The following APAF1 variants were observed in gnomAD, a reference collection of about 807,000 sequenced individuals.
APAF1 encodes apoptotic peptidase activating factor 1.
Under a neutral mutation model 152.4 loss-of-function variants are expected in APAF1, and 91 were observed. The ratio of observed to expected loss-of-function variants is 0.60; its 90% confidence interval spans 0.50 to 0.71. The LOEUF (loss-of-function observed/expected upper bound fraction) is 0.71. Among genes scored for constraint, APAF1 ranks in the 30% least tolerant of loss-of-function variants. APAF1 has a pLI of 0.00. For synonymous variants in APAF1, 484 were observed against 494.1 expected (o/e 0.98, Z 0.27); for missense variants, 1,283 against 1,472.0 (o/e 0.87, Z 2.10).
intron 16 of APAF1, among the ~76,000 whole-genome samples, chr12:98,687,817 T>G (rs1017792463): frequency 7.2e-5 from 11 of 152,088 alleles, no homozygotes; most frequent in African/African-American, 2.4e-4. Flanking sequence ...GGCTTTTGTT[T>G]TTGTTTTTGT....
rs1056776774 is a variant in APAF1, at chr12:98,723,089, A to G, written c.3085-104A>G. ...TTCCTCTCTGTTTTACTGAAATGCC[A>G]TGTGAGTAAAAGACTTTAGACAAGA... is the stretch of plus-strand genomic sequence containing the variant. On this transcript the variant is annotated intron_variant, in intron 22 of 26. Coordinates refer to ENST00000551964, the MANE Select transcript of APAF1 (RefSeq NM_181861.2). 13 of 1,190,630 alleles carry G rather than the reference A, an allele frequency of 1.1e-5. 1 individual carries two copies. Among genetic ancestry groups the G allele is most frequent in the East Asian group, 7.2e-5 (3 of 41,392 alleles). The allele number at this position is 1,190,630 out of a possible 1,614,324, so 73.8% of individuals were successfully genotyped here. A position where few individuals can be genotyped will look rare whatever the true frequency, so the allele number is the denominator to read the frequency against.
chr12:98,690,609 C>A (rs2288726), intron 16 of APAF1, among the ~76,000 whole-genome samples: 22,430 of 152,112 alleles, frequency 0.15, 2,146 homozygotes, highest in Non-Finnish European at 0.22. Context: ...GCCAAATGTT[C>A]AAGAAAGCTG....
At chr12:98,652,828 G>C (rs2097650628) in intron 4 of APAF1, among the ~76,000 whole-genome samples, 1 of 152,016 alleles carries the variant, frequency 6.6e-6, no homozygotes, top group Non-Finnish European at 1.5e-5. Context: ...GTTTCTCCAT[G>C]TTGGTCAGGC....
rs1301871491 is a variant in APAF1, at chr12:98,655,469, C to A, written c.527-3691C>A. 1.1e-4 allele frequency among the ~76,000 whole-genome samples: 17 copies of A among 149,702 alleles called. No individual in the cohort carries two copies. The South Asian group carries it at 1.3e-3, about 11-fold the overall frequency. ...CGGCCGGGCAGGGGGCTGACCCCCC[C>A]ACCTCCCTCCCGGACGGGGCGGCTG... On this transcript the variant is annotated intron_variant, in intron 4 of 26. Coordinates refer to ENST00000551964, the MANE Select transcript of APAF1 (RefSeq NM_181861.2).
Position 98,648,700 on chromosome 12 carries a change from C to T in APAF1, c.213C>T (p.Phe71=), listed in dbSNP as rs1313354493. 1.2e-6 allele frequency: 2 copies of T among 1,613,264 alleles called. No homozygotes were observed. Residue 71 remains phenylalanine, a synonymous_variant, in exon 3 of 27, where the codon TTC becomes TTT. Coordinates refer to ENST00000551964, the MANE Select transcript of APAF1 (RefSeq NM_181861.2). ...AAGATAATGATTCCTACGTATCATT[C>T]TACAATGCTCTACTACATGAAGGAT... is the stretch of plus-strand genomic sequence containing the variant. ...LKKDNDSYVS[F]YNALLHEGYK... is the part of the protein sequence containing the mutation.
At chr12:98,659,491 C>T in intron 5 of APAF1, 148 bp downstream of exon 5, 1 of 883,092 alleles carries the variant, frequency 1.1e-6, no homozygotes. Flanking sequence ...GTGGCTCACG[C>T]CTGTAATCCC....
chr12:98,727,669 G>A (rs1448609542), intron 26 of APAF1, among the ~76,000 whole-genome samples: 2 of 152,044 alleles, frequency 1.3e-5, no homozygotes, highest in African/African-American at 2.4e-5. Context: ...AGCCAGGCAC[G>A]GTGGCTCACG....
intron 12 of APAF1, among the ~76,000 whole-genome samples, chr12:98,676,502 C>T (rs929740126): frequency 3.3e-5 from 5 of 152,070 alleles, no homozygotes; most frequent in Non-Finnish European, 7.3e-5. Context: ...AACCACCATG[C>T]CTGGCCCCTT....
intron 13 of APAF1, among the ~76,000 whole-genome samples, 166 bp from the exon 14 acceptor site, chr12:98,680,111 A>G (rs186514675): frequency 1.3e-5 from 2 of 152,388 alleles, no homozygotes; most frequent in East Asian, 3.9e-4. Flanking sequence ...AGTTATGTGA[A>G]GGCATACACA....
intron 4 of APAF1, among the ~76,000 whole-genome samples, chr12:98,652,961 A>G (rs545126070): frequency 1.3e-5 from 2 of 152,028 alleles, no homozygotes; most frequent in East Asian, 1.9e-4. Flanking sequence ...TTAATTTGCC[A>G]TCTGATTAAT....
At chr12:98,717,373 A>C (rs1402408829) in intron 22 of APAF1, among the ~76,000 whole-genome samples, 1 of 149,194 alleles carries the variant, frequency 6.7e-6, no homozygotes, top group Non-Finnish European at 1.5e-5. Context: ...CACACATATA[A>C]TTTTTTTTTG....
intron 15 of APAF1, among the ~76,000 whole-genome samples, chr12:98,685,337 T>A (rs940762743): frequency 1.3e-5 from 2 of 149,702 alleles, no homozygotes; most frequent in African/African-American, 2.5e-5. Context: ...TAAATACCCC[T>A]CCCTTTTTTT....
chr12:98,663,472 C>G (rs1249478328), intron 7 of APAF1, among the ~76,000 whole-genome samples: 1 of 152,114 alleles, frequency 6.6e-6, no homozygotes, highest in East Asian at 1.9e-4. Flanking sequence ...CCTTAGCCTC[C>G]TAAAGCACTG....
intron 26 of APAF1, among the ~76,000 whole-genome samples, chr12:98,727,546 CAAAA>C (rs10718979): frequency 2.6e-5 from 3 of 116,058 alleles, no homozygotes; most frequent in African/African-American, 6.7e-5. Context: ...CATCCTGTCT[CAAAA>C]AAAAAAAAAA....
intron 16 of APAF1, 34 bp from the exon 17 acceptor site, chr12:98,699,370 AAAAC>A (rs2097712898): frequency 6.3e-7 from 1 of 1,597,848 alleles, no homozygotes; most frequent in Non-Finnish European, 8.5e-7. Flanking sequence ...ATTATAGAGT[AAAAC>A]AAACTTTTTC....
chr12:98,677,335 G>C (rs1016797410), intron 12 of APAF1, 90 bp from the exon 13 acceptor site: 3 of 1,369,272 alleles, frequency 2.2e-6, no homozygotes, highest in Admixed American at 3.7e-5. Context: ...ACATAACCAT[G>C]TTAAAAGACA....
chr12:98,656,563 C>T (rs556588343), intron 4 of APAF1, among the ~76,000 whole-genome samples: 6 of 152,320 alleles, frequency 3.9e-5, no homozygotes, highest in African/African-American at 1.2e-4. Context: ...AGTCACTATT[C>T]AGTACATTGC....
chr12:98,680,512 A>G (rs926697306), intron 14 of APAF1, 110 bp downstream of exon 14: 2 of 1,039,816 alleles, frequency 1.9e-6, no homozygotes, highest in Admixed American at 2.2e-5. Context: ...CTGTTGATCT[A>G]CTAACCTGAT....
At chr12:98,728,393 T>C (rs2097754429) in intron 26 of APAF1, among the ~76,000 whole-genome samples, 1 of 152,118 alleles carries the variant, frequency 6.6e-6, no homozygotes, top group Non-Finnish European at 1.5e-5. Context: ...ATGAGGAAAA[T>C]GATTTTCTAT....
Sources: allele counts gnomAD v4.1 joint callset (sites outside exome capture counted in the v4.1 genomes callset), GRCh38; gene constraint gnomAD v4.1.1; transcripts MANE v1.5; gene names NCBI Gene and HGNC (gene_info 2026-07-23, HGNC 2026-07-21).